TTBK2: variants seen among roughly 807,000 people sequenced by gnomAD.
TTBK2 encodes the protein tau-tubulin kinase 2.
TTBK2 carries 28 observed loss-of-function variants against 110.8 expected under a neutral mutation model. That is an observed-to-expected ratio of 0.25 (90% confidence interval 0.19 to 0.35). The LOEUF is 0.35. TTBK2 is among the 10% of genes least tolerant of loss of function. TTBK2 has a pLI of 1.00. For missense variants in TTBK2, 1,369 were observed against 1,500.3 expected (o/e 0.91, Z 1.45); for synonymous variants, 532 against 527.3 (o/e 1.01, Z -0.12).
At chr15:42,833,284 T>C (rs1399533655) in intron 4 of TTBK2, among the ~76,000 whole-genome samples, 1 of 139,932 alleles carries the variant, frequency 7.1e-6, no homozygotes, top group Non-Finnish European at 1.5e-5. Flanking sequence ...GAGGACTATA[T>C]ATAGTAATGT....
At chr15:42,910,623 C>T (rs1277402389) in intron 1 of TTBK2, among the ~76,000 whole-genome samples, 1 of 151,982 alleles carries the variant, frequency 6.6e-6, no homozygotes, top group African/African-American at 2.4e-5. Flanking sequence ...ATAGCTTTGC[C>T]CTCAATGAGT....
At chr15:42,856,110 G>A (rs1239636739) in intron 3 of TTBK2, among the ~76,000 whole-genome samples, 4 of 152,186 alleles carry the variant, frequency 2.6e-5, no homozygotes, top group African/African-American at 9.7e-5. Flanking sequence ...CTACTTTGTA[G>A]AATAATTCCA....
chr15:42,854,606 A>G (rs1359845618), intron 3 of TTBK2, among the ~76,000 whole-genome samples: 3 of 151,904 alleles, frequency 2.0e-5, no homozygotes, highest in Admixed American at 6.6e-5. Flanking sequence ...ATTTTACAAT[A>G]TTCTGAATTC....
intron 12 of TTBK2, among the ~76,000 whole-genome samples, chr15:42,776,763 C>A (rs944693211): frequency 6.6e-6 from 1 of 152,132 alleles, no homozygotes; most frequent in African/African-American, 2.4e-5. Flanking sequence ...TTAACTTGTA[C>A]CTAGTGTTAG....
intron 1 of TTBK2, among the ~76,000 whole-genome samples, chr15:42,883,183 A>C (rs755617023): frequency 6.6e-6 from 1 of 151,980 alleles, no homozygotes; most frequent in Non-Finnish European, 1.5e-5. Flanking sequence ...GGAGTTCGAG[A>C]CCAGCCTGAC....
intron 3 of TTBK2, among the ~76,000 whole-genome samples, chr15:42,855,456 C>T (rs1893892542): frequency 6.6e-6 from 1 of 151,932 alleles, no homozygotes; most frequent in South Asian, 2.1e-4. Context: ...CTCTGCTGTG[C>T]CAGAAAACAA....
At chr15:42,783,678 CTA>C (rs1890276177) in intron 10 of TTBK2, 43 bp from the exon 11 acceptor site, 1 of 1,364,668 alleles carries the variant, frequency 7.3e-7, no homozygotes, top group Non-Finnish European at 1.0e-6. Context: ...TCAAAAATTA[CTA>C]TGAGACTATC....
At chr15:42,843,415 G>A (rs1893312726) in intron 3 of TTBK2, among the ~76,000 whole-genome samples, 1 of 152,156 alleles carries the variant, frequency 6.6e-6, no homozygotes, top group Non-Finnish European at 1.5e-5. Flanking sequence ...TTCCTAACTT[G>A]CCTTTTTGTA....
chr15:42,779,911 G>A (rs761442508), intron 11 of TTBK2, among the ~76,000 whole-genome samples: 16 of 152,176 alleles, frequency 1.1e-4, no homozygotes, highest in South Asian at 4.1e-4. Flanking sequence ...CCCAGGAGGC[G>A]GAGGTTGTAG....
At chr15:42,849,151 T>C (rs1182227612) in intron 3 of TTBK2, among the ~76,000 whole-genome samples, 2 of 152,054 alleles carry the variant, frequency 1.3e-5, no homozygotes, top group Non-Finnish European at 2.9e-5. Flanking sequence ...ACTGAGGCTC[T>C]GTTTTTTTTT....
chr15:42,872,812 G>A (rs907321354), intron 2 of TTBK2, 54 bp from the exon 3 acceptor site: 4 of 1,596,676 alleles, frequency 2.5e-6, no homozygotes, highest in Non-Finnish European at 3.4e-6. Flanking sequence ...ATTCTAACTT[G>A]AAAGCAATTG....
chr15:42,804,532 C>G (rs1487205462), intron 9 of TTBK2, among the ~76,000 whole-genome samples: 1 of 151,978 alleles, frequency 6.6e-6, no homozygotes, highest in East Asian at 1.9e-4. Flanking sequence ...GAAAGGTTAT[C>G]CAAACAGTGT....
chr15:42,839,336 T>C (rs1288738334), intron 4 of TTBK2, among the ~76,000 whole-genome samples: 2 of 152,234 alleles, frequency 1.3e-5, no homozygotes, highest in South Asian at 2.1e-4. Context: ...ATTTTCTTTA[T>C]CCAGTTCACC....
In TTBK2 at chr15:42,753,151, C is replaced by T. The variant is rs750086721; in HGVS notation, c.2095G>A (p.Glu699Lys). ...GGAGAGTAAAGTTCCACAGTGGGCT[C>T]CATGGGCTGAAGATCTTTCTTCTCT... ...QPEKKDLQPM[E>K]PTVELYSPRE... Residue 699 changes from glutamate (E) to lysine (K), a missense_variant, in exon 14 of 15, where the codon GAG becomes AAG. By Grantham distance (56) the Glu-to-Lys change is moderately conservative (BLOSUM62 1). This residue lies in a region of TTBK2 where 1,097 missense variants were observed against 1,114.7 expected (regional missense o/e 0.98). Coordinates refer to ENST00000267890, the MANE Select transcript of TTBK2 (RefSeq NM_173500.4). 34 of 1,603,396 alleles carry T rather than the reference C, an allele frequency of 2.1e-5. No individual in the cohort carries two copies. Among genetic ancestry groups the T allele is most frequent in the Non-Finnish European group, 2.8e-5 (33 of 1,176,836 alleles).
At chr15:42,911,643 T>C (rs534923079) in intron 1 of TTBK2, among the ~76,000 whole-genome samples, 1 of 152,236 alleles carries the variant, frequency 6.6e-6, no homozygotes, top group South Asian at 2.1e-4. Context: ...CTCATATAAA[T>C]GAGAACAAAC....
chr15:42,806,884 T>C (rs1231854948), intron 9 of TTBK2, among the ~76,000 whole-genome samples: 1 of 151,768 alleles, frequency 6.6e-6, no homozygotes, highest in Non-Finnish European at 1.5e-5. Flanking sequence ...CCCAAGACAA[T>C]TCTTCTTCTT....
In TTBK2 at chr15:42,745,688, G is replaced by A. The variant is rs1252961366; in HGVS notation, c.*107C>T. 7.6e-7 allele frequency: 1 copy of A among 1,322,366 alleles called. No homozygotes were observed. The highest frequency in any genetic ancestry group is 1.1e-6 in the Non-Finnish European group (1 of 918,356). 81.9% of individuals were successfully genotyped at this position (1,322,366 alleles called of 1,614,324 possible). A position where few individuals can be genotyped will look rare whatever the true frequency, so the allele number is the denominator to read the frequency against. On this transcript the variant is annotated 3_prime_UTR_variant, in exon 15 of 15. Transcript: ENST00000267890. The stretch of plus-strand genomic sequence containing the variant: ...ATAATTGATCATGTTACTTTCTTTT[G>A]CAAGAGAAGATCAACACTGATTTTT...
Position 42,836,576 on chromosome 15 carries a change from A to G in TTBK2, c.291+3784T>C, listed in dbSNP as rs138317997. Among the ~76,000 whole-genome samples the G allele has an allele frequency of 3.3e-5, 5 of 152,312 alleles. No homozygotes were observed. In the East Asian group the frequency reaches 9.6e-4, roughly 29 times the overall value. ...AAAAGTTCTTAGACAAATCCATAGG[A>G]ACTTGCCAAAGGCCACAAAGGTCAT... On this transcript the variant is annotated intron_variant, in intron 4 of 14. Transcript: ENST00000267890.
At chr15:42,844,291 A>G (rs1263540895) in intron 3 of TTBK2, among the ~76,000 whole-genome samples, 1 of 152,216 alleles carries the variant, frequency 6.6e-6, no homozygotes, top group Non-Finnish European at 1.5e-5. Flanking sequence ...GGCCAGGAGT[A>G]GTGGCTCATG....
Sources: allele counts gnomAD v4.1 joint callset (sites outside exome capture counted in the v4.1 genomes callset), GRCh38; gene constraint gnomAD v4.1.1; regional missense constraint gnomAD v4.1.1; transcripts MANE v1.5; gene names NCBI Gene and HGNC (gene_info 2026-07-23, HGNC 2026-07-21).